Variants in IGSF10 observed in about 807,000 individuals in gnomAD.
The protein encoded by IGSF10 is calvaria mechanical force protein 608.
In IGSF10, 126 loss-of-function variants were observed where a neutral mutation model predicts 128.2. The observed-to-expected ratio is 0.98, with a 90% CI of 0.85 to 1.14. The LOEUF (loss-of-function observed/expected upper bound fraction) is 1.14. IGSF10 is among the 50% of genes most tolerant of loss of function. The probability of loss-of-function intolerance (pLI) is 0.00; values close to 1 mark genes in which losing one functional copy is unlikely to be tolerated. For missense variants in IGSF10, 3,295 were observed against 3,149.8 expected (o/e 1.05, Z -1.10); for synonymous variants, 1,185 against 1,146.2 (o/e 1.03, Z -0.68).
chr3:151,606,688 G>C, the IGSF10 span, among the ~76,000 whole-genome samples: 1 of 152,188 alleles, frequency 6.6e-6, no homozygotes, highest in Admixed American at 6.5e-5. Context: ...AGGTAAAGCT[G>C]AGAAAGTAGC....
chr3:151,557,762 A>G, the IGSF10 span, among the ~76,000 whole-genome samples: 1 of 151,480 alleles, frequency 6.6e-6, no homozygotes, highest in Non-Finnish European at 1.5e-5. Context: ...GTGTGCAAAT[A>G]GTGGCACTCT....
chr3:151,548,170 G>C, the IGSF10 span, among the ~76,000 whole-genome samples: 2 of 152,030 alleles, frequency 1.3e-5, no homozygotes, highest in Non-Finnish European at 2.9e-5. Context: ...TTGTTCATGG[G>C]GACACTTGTT....
Position 151,445,466 on chromosome 3 carries a change from C to T in IGSF10, c.4515G>A (p.Leu1505=). ...TAGCATTGTGCCTTGAGGATTCGTG[C>T]AGCTTGACCACTGTATTTGTCATAA... ...SGLMTNTVVK[L]HESSRHNAKP... The change falls in exon 6 of 8, where the codon CTG becomes CTA. Residue 1505 remains leucine, a synonymous_variant. Coordinates refer to ENST00000282466, the MANE Select transcript of IGSF10 (RefSeq NM_178822.5). 1 of 1,614,164 alleles carries T rather than the reference C, an allele frequency of 6.2e-7. No homozygotes were observed. Among genetic ancestry groups the T allele is most frequent in the Non-Finnish European group, 8.5e-7 (1 of 1,180,030 alleles).
chr3:151,488,705 C>G, the IGSF10 span, among the ~76,000 whole-genome samples: 2 of 152,036 alleles, frequency 1.3e-5, no homozygotes, highest in African/African-American at 4.8e-5. Flanking sequence ...ACAAACCTGA[C>G]AAAAACAAGC....
At position 151,445,075 on chromosome 3, in the gene IGSF10, G is replaced by C. The variant is rs751405477; in HGVS notation, c.4906C>G (p.Pro1636Ala). 4.3e-6 allele frequency: 7 copies of C among 1,614,080 alleles called. No homozygotes were observed. The highest frequency in any genetic ancestry group is 5.9e-6 in the Non-Finnish European group (7 of 1,180,052). The change falls in exon 6 of 8, where the codon CCC becomes GCC. Residue 1636 changes from proline (P) to alanine (A), a missense_variant. Pro to Ala is a conservative substitution (Grantham distance 27, BLOSUM62 -1). Coordinates refer to ENST00000282466, the MANE Select transcript of IGSF10 (RefSeq NM_178822.5). ...VQEATTSKLLPFDSLSRYIFE... is the reference protein window; with the variant it reads ...VQEATTSKLLAFDSLSRYIFE... ...ATATACCTAGACAAAGAGTCAAAGG[G>C]AAGGAGTTTGGAAGTTGTTGCTTCT...
chr3:151,507,466 C>G, the IGSF10 span, among the ~76,000 whole-genome samples: 1 of 152,178 alleles, frequency 6.6e-6, no homozygotes, highest in Non-Finnish European at 1.5e-5. Flanking sequence ...TGTATTCGTC[C>G]AATCTCATCC....
chr3:151,618,434 A>G, the IGSF10 span, among the ~76,000 whole-genome samples: 5 of 152,338 alleles, frequency 3.3e-5, no homozygotes, highest in African/African-American at 9.6e-5. Flanking sequence ...GAAGTTTTAA[A>G]ATGTCTATAC....
chr3:151,435,244 C>A (rs1218405087), downstream of IGSF10: 1 of 41,596 alleles, frequency 2.4e-5, no homozygotes, highest in Admixed American at 2.0e-4. Flanking sequence ...ATGGAGTCAG[C>A]TATACCTATC....
the IGSF10 span, among the ~76,000 whole-genome samples, chr3:151,561,854 G>T: frequency 8.5e-5 from 13 of 152,118 alleles, no homozygotes; most frequent in Admixed American, 1.3e-4. Flanking sequence ...TGTTTAAATA[G>T]TGAAGCATGC....
chr3:151,542,109 AT>A, the IGSF10 span, among the ~76,000 whole-genome samples: 538 of 152,238 alleles, frequency 3.5e-3, 3 homozygotes, highest in African/African-American at 0.013. Context: ...TCCAGCCCAA[AT>A]GACTTTCAGG....
chr3:151,516,264 A>C, the IGSF10 span, among the ~76,000 whole-genome samples: 1 of 152,048 alleles, frequency 6.6e-6, no homozygotes, highest in African/African-American at 2.4e-5. Flanking sequence ...GAAGATGATG[A>C]CATCCTTGAC....
the IGSF10 span, among the ~76,000 whole-genome samples, chr3:151,476,759 G>A: frequency 6.6e-6 from 1 of 152,192 alleles, no homozygotes; most frequent in African/African-American, 2.4e-5. Flanking sequence ...AAAAGTGAAT[G>A]TGCTATGTTT....
chr3:151,593,340 G>A, the IGSF10 span, among the ~76,000 whole-genome samples: 1 of 152,030 alleles, frequency 6.6e-6, no homozygotes, highest in African/African-American at 2.4e-5. Context: ...CCAAACTCCT[G>A]AGCGCAAGCG....
At chr3:151,468,953 G>T in the IGSF10 span, among the ~76,000 whole-genome samples, 1 of 152,224 alleles carries the variant, frequency 6.6e-6, no homozygotes, top group Non-Finnish European at 1.5e-5. Context: ...TGTTCTCATT[G>T]TTCAGCTCCC....
intron 7 of IGSF10, among the ~76,000 whole-genome samples, chr3:151,439,355 G>GT (rs1720694906): frequency 6.6e-6 from 1 of 152,246 alleles, no homozygotes; most frequent in Non-Finnish European, 1.5e-5. Context: ...GCTCACACCT[G>GT]TAATCCCAGC....
rs1484274735 is a variant in IGSF10, at chr3:151,437,966, T to C, written c.6595A>G (p.Thr2199Ala). Residue 2199 changes from threonine (T) to alanine (A), a missense_variant, in exon 8 of 8, where the codon ACC becomes GCC. By Grantham distance (58) the Thr-to-Ala change is moderately conservative. Coordinates refer to ENST00000282466, the MANE Select transcript of IGSF10 (RefSeq NM_178822.5). Reference sequence around the variant, plus strand: ...TCGAGCAGTTTCACTTTGTTGATGGTCAAAGACCCATTGGCATGAAATGTG... The same window carrying C: ...TCGAGCAGTTTCACTTTGTTGATGGCCAAAGACCCATTGGCATGAAATGTG... ...RYTFHANGSL[T>A]INKVKLLDSG... 1 of 1,614,072 alleles carries C rather than the reference T, an allele frequency of 6.2e-7. No homozygotes were observed. Among genetic ancestry groups the C allele is most frequent in the East Asian group, 2.2e-5 (1 of 44,890 alleles).
chr3:151,537,235 A>T, the IGSF10 span, among the ~76,000 whole-genome samples: 1 of 152,120 alleles, frequency 6.6e-6, no homozygotes, highest in East Asian at 1.9e-4. Context: ...TGTAGGATTT[A>T]CTCAATACGT....
intron 6 of IGSF10, 30 bp from the exon 7 acceptor site, chr3:151,443,914 C>A (rs762350272): frequency 2.0e-6 from 3 of 1,508,542 alleles, no homozygotes; most frequent in East Asian, 2.3e-5. Flanking sequence ...ATTATTGCTA[C>A]GGGTCATCAA....
chr3:151,534,801 A>ATATGTGTGTGTGTGTGTGTGTGTG, the IGSF10 span, among the ~76,000 whole-genome samples: 12 of 149,078 alleles, frequency 8.0e-5, no homozygotes, highest in Admixed American at 2.7e-4. Context: ...TTTAAAGTGT[A>ATATGTGTGTGTGTGTGTGTGTGTG]TGTGTGTGTG....
Sources: gnomAD v4.1 joint callset for allele counts (sites outside exome capture counted in the v4.1 genomes callset) on GRCh38, gnomAD v4.1.1 for gene constraint, MANE v1.5 for transcripts, NCBI Gene and HGNC (gene_info 2026-07-23, HGNC 2026-07-21) for gene names.